The following ZCCHC10 variants were observed in gnomAD, a reference collection of about 807,000 sequenced individuals.
ZCCHC10 encodes zinc finger CCHC domain-containing protein 10.
In ZCCHC10, 16 loss-of-function variants were observed where a neutral mutation model predicts 19.5. That is an observed-to-expected ratio of 0.82 (90% CI 0.56 to 1.25). The LOEUF (loss-of-function observed/expected upper bound fraction) is 1.25, where lower values mean the gene tolerates loss of function less well. Ranked by LOEUF, ZCCHC10 falls within the 50% of genes most tolerant of loss-of-function variation. ZCCHC10 has a pLI of 0.00. For missense variants in ZCCHC10, 197 were observed against 201.0 expected, an observed-to-expected ratio of 0.98 and a Z score of 0.12; for synonymous variants, 67 against 72.5, an observed-to-expected ratio of 0.92 and a Z score of 0.38.
chr5:133,010,065 T>TTTTTTG (rs1763394589), intron 2 of ZCCHC10, among the ~76,000 whole-genome samples: 1 of 150,794 alleles, frequency 6.6e-6, no homozygotes, highest in Non-Finnish European at 1.5e-5. Context: ...TTTTTTTTTT[T>TTTTTTG]GGAGATGAAG....
intron 1 of ZCCHC10, among the ~76,000 whole-genome samples, chr5:133,026,170 G>A (rs934156261): frequency 6.6e-6 from 1 of 152,194 alleles, no homozygotes; most frequent in African/African-American, 2.4e-5. Context: ...GGGCTTCAGG[G>A]CTCCCCTGTC....
intron 2 of ZCCHC10, among the ~76,000 whole-genome samples, chr5:133,021,222 G>T (rs1226746127): frequency 1.3e-5 from 2 of 152,002 alleles, no homozygotes; most frequent in Non-Finnish European, 2.9e-5. Flanking sequence ...GTAGAGACAG[G>T]GTTTCACCGT....
intron 2 of ZCCHC10, among the ~76,000 whole-genome samples, chr5:133,021,264 T>A (rs188030906): frequency 6.6e-6 from 1 of 151,628 alleles, no homozygotes. Flanking sequence ...CTCCTGACCT[T>A]GTGATCCGCC....
chr5:133,022,578 G>A lies in ZCCHC10; in HGVS notation c.107+263C>T, dbSNP rs529946728. Among the ~76,000 whole-genome samples the A allele has an allele frequency of 1.8e-4, 27 of 151,426 alleles. 1 individual carries two copies. Among genetic ancestry groups the A allele is most frequent in the African/African-American group, 6.1e-4 (25 of 41,230 alleles). On this transcript the variant is annotated intron_variant, in intron 2 of 4. Transcript: ENST00000509437. The stretch of plus-strand genomic sequence containing the variant: ...AAGCAATTCTCCTGCCTAGCCTCCC[G>A]AGTAGTTGGGACTACAGGCGCATGC...
intron 2 of ZCCHC10, among the ~76,000 whole-genome samples, chr5:133,015,531 T>C (rs1763864887): frequency 6.6e-6 from 1 of 152,194 alleles, no homozygotes; most frequent in South Asian, 2.1e-4. Flanking sequence ...GGAGTGTGAC[T>C]TTGAAGACTA....
At chr5:133,003,989 C>T (rs966763084) in intron 3 of ZCCHC10, among the ~76,000 whole-genome samples, 3 of 152,170 alleles carry the variant, frequency 2.0e-5, no homozygotes, top group African/African-American at 7.2e-5. Flanking sequence ...GAATTACAGG[C>T]ATGAACCACT....
chr5:133,023,966 G>A (rs1419729169), intron 1 of ZCCHC10, among the ~76,000 whole-genome samples: 1 of 152,054 alleles, frequency 6.6e-6, no homozygotes, highest in Non-Finnish European at 1.5e-5. Flanking sequence ...AGCCTCTAAA[G>A]GCCCTCCTTT....
intron 4 of ZCCHC10, 140 bp from the exon 5 acceptor site, chr5:132,998,990 A>C: frequency 4.6e-4 from 519 of 1,131,312 alleles, no homozygotes; most frequent in Non-Finnish European, 5.7e-4. Flanking sequence ...ATCTCAGCTC[A>C]CTGCAACCTC....
At chr5:133,025,885 G>A (rs1338238247) in intron 1 of ZCCHC10, among the ~76,000 whole-genome samples, 4 of 152,144 alleles carry the variant, frequency 2.6e-5, no homozygotes, top group Non-Finnish European at 4.4e-5. Context: ...TCCATCACTA[G>A]AATGTAAGCT....
chr5:133,000,356 C>T (rs557002229), intron 3 of ZCCHC10, among the ~76,000 whole-genome samples, 183 bp from the exon 4 acceptor site: 31 of 152,232 alleles, frequency 2.0e-4, no homozygotes, highest in Admixed American at 1.4e-3. Flanking sequence ...AGGCTGTATA[C>T]GGTACATGCA....
intron 2 of ZCCHC10, among the ~76,000 whole-genome samples, chr5:133,009,295 A>G (rs1455733636): frequency 6.6e-6 from 1 of 151,612 alleles, no homozygotes; most frequent in Non-Finnish European, 1.5e-5. Flanking sequence ...GAGCCACTGC[A>G]CCCTGCCTGA....
intron 2 of ZCCHC10, among the ~76,000 whole-genome samples, chr5:133,009,613 C>CAAAAAAAAAAAAAAAAAAAA (rs59555378): frequency 1.8e-5 from 1 of 55,518 alleles, no homozygotes; most frequent in East Asian, 5.2e-4. Context: ...GACTCCGTCT[C>CAAAAAAAAAAAAAAAAAAAA]AAAAAAAAAA....
intron 3 of ZCCHC10, 73 bp from the exon 4 acceptor site, chr5:133,000,246 T>C: frequency 6.5e-7 from 1 of 1,528,770 alleles, no homozygotes; most frequent in Non-Finnish European, 9.0e-7. Context: ...GCCCTTCTAC[T>C]ATCCCCCAAA....
rs968408129 is a variant in ZCCHC10, at chr5:132,998,708, C to T, written c.454G>A (p.Ala152Thr). Residue 152 changes from alanine (A) to threonine (T), a missense_variant, in exon 5 of 5, where the codon GCC (alanine) becomes ACC (threonine). By Grantham distance (58) the Ala-to-Thr change is moderately conservative. Transcript: ENST00000509437. ...GAGGAGGAAGAGGTTGTGGAGGAGG[C>T]TGAGGATGAGGAACTAGAGGAGCTT... is the stretch of plus-strand genomic sequence containing the variant. Reference protein sequence around the residue: ...DESSSSSSSSASSTTSSSSSD... With the variant: ...DESSSSSSSSTSSTTSSSSSD... 5.6e-6 allele frequency: 9 copies of T among 1,613,944 alleles called. No individual in the cohort carries two copies. In the African/African-American group the frequency reaches 1.1e-4, roughly 19 times the overall value.
At chr5:133,002,649 A>C (rs1160110882) in intron 3 of ZCCHC10, among the ~76,000 whole-genome samples, 1 of 152,198 alleles carries the variant, frequency 6.6e-6, no homozygotes, top group African/African-American at 2.4e-5. Context: ...TTATATACAT[A>C]TTATAAAAAG....
chr5:133,008,950 C>T (rs537956500), intron 2 of ZCCHC10, among the ~76,000 whole-genome samples: 1 of 151,902 alleles, frequency 6.6e-6, no homozygotes, highest in South Asian at 2.1e-4. Context: ...GAGTTTGAGG[C>T]TACAGTAAGC....
intron 3 of ZCCHC10, among the ~76,000 whole-genome samples, chr5:133,001,706 C>A (rs909766578): frequency 6.6e-6 from 1 of 152,078 alleles, no homozygotes; most frequent in African/African-American, 2.4e-5. Context: ...ATCTGCTCAC[C>A]TCAGCTTCCC....
At chr5:133,016,793 T>C (rs1235283469) in intron 2 of ZCCHC10, among the ~76,000 whole-genome samples, 1 of 152,138 alleles carries the variant, frequency 6.6e-6, no homozygotes, top group African/African-American at 2.4e-5. Flanking sequence ...GCTCCCACTA[T>C]CCTTAATAGA....
chr5:133,003,201 A>G, intron 3 of ZCCHC10: 1 of 374,088 alleles, frequency 2.7e-6, no homozygotes, highest in Non-Finnish European at 5.3e-6. Context: ...GAGGTATTGG[A>G]GCAGCACTGT....
Sources: gnomAD v4.1 joint callset for allele counts (sites outside exome capture counted in the v4.1 genomes callset) on GRCh38, gnomAD v4.1.1 for gene constraint, MANE v1.5 for transcripts, NCBI Gene and HGNC (gene_info 2026-07-23, HGNC 2026-07-21) for gene names.